ASH1L: variants seen among roughly 807,000 people sequenced by gnomAD.
ASH1L encodes ASH1 like histone lysine methyltransferase, also known as histone-lysine N-methyltransferase ASH1L.
In ASH1L, 23 loss-of-function variants were observed where a neutral mutation model predicts 269.0. The ratio of observed to expected loss-of-function variants is 0.09; its 90% CI spans 0.06 to 0.12. The LOEUF (loss-of-function observed/expected upper bound fraction) is 0.12. Ranked by LOEUF, ASH1L falls within the 10% of genes least tolerant of loss-of-function variation. The pLI, the probability that ASH1L is intolerant of heterozygous loss-of-function variation, is 1.00. For synonymous variants in ASH1L, 1,187 were observed against 1,253.5 expected, an observed-to-expected ratio of 0.95 and a Z score of 1.12; for missense variants, 2,912 against 3,567.8, an observed-to-expected ratio of 0.82 and a Z score of 4.68.
chr1:155,409,303 AC>A (rs1659570093), intron 6 of ASH1L, among the ~76,000 whole-genome samples: 1 of 152,186 alleles, frequency 6.6e-6, no homozygotes, highest in South Asian at 2.1e-4. Context: ...GGGATGAGCA[AC>A]CACACCCAGC....
intron 13 of ASH1L, 107 bp downstream of exon 13, chr1:155,360,194 A>C: frequency 2.6e-6 from 2 of 765,070 alleles, no homozygotes; most frequent in Non-Finnish European, 4.4e-6. Context: ...CCAGCCTCCC[A>C]CATACTTCTT....
chr1:155,422,950 TC>T (rs1160115588), intron 5 of ASH1L, among the ~76,000 whole-genome samples: 1 of 147,738 alleles, frequency 6.8e-6, no homozygotes, highest in African/African-American at 2.5e-5. Flanking sequence ...AGCTGGCCTT[TC>T]TTTTTTTTTT....
At position 155,421,140 on chromosome 1, in the gene ASH1L, A is replaced by G. The variant is rs142081147; in HGVS notation, c.5829-5217T>C. ...TGTAGTCCCAGCTACTGAAGAGGCTAAAGTGGGAAGACTGCTTAAACCTAG... is the reference window on the plus strand; with the variant it reads ...TGTAGTCCCAGCTACTGAAGAGGCTGAAGTGGGAAGACTGCTTAAACCTAG... On this transcript the variant is annotated intron_variant, in intron 5 of 27. Coordinates refer to ENST00000392403, the MANE Select transcript of ASH1L (RefSeq NM_018489.3). Among the ~76,000 whole-genome samples, 627 of 151,100 alleles carry G rather than the reference A, an allele frequency of 4.1e-3. 3 individuals are homozygous for G. The highest frequency in any genetic ancestry group is 0.012 in the Admixed American group (186 of 15,094).
At chr1:155,374,427 C>T (rs1656252447) in intron 10 of ASH1L, among the ~76,000 whole-genome samples, 1 of 151,974 alleles carries the variant, frequency 6.6e-6, no homozygotes, top group Non-Finnish European at 1.5e-5. Context: ...ACAAAAATAC[C>T]ACCACGATTC....
chr1:155,489,681 C>G (rs1408459102), intron 2 of ASH1L, among the ~76,000 whole-genome samples: 1 of 151,640 alleles, frequency 6.6e-6, no homozygotes, highest in Admixed American at 6.6e-5. Flanking sequence ...TGGTGTGAAC[C>G]TGGGAGGCGG....
chr1:155,417,002 G>A (rs947332972), intron 5 of ASH1L, among the ~76,000 whole-genome samples: 4 of 147,076 alleles, frequency 2.7e-5, no homozygotes, highest in African/African-American at 7.6e-5. Context: ...TGTGATCTCG[G>A]CTCACTGCAA....
At chr1:155,547,593 C>G (rs943830327) in intron 1 of ASH1L, among the ~76,000 whole-genome samples, 1 of 151,876 alleles carries the variant, frequency 6.6e-6, no homozygotes, top group Non-Finnish European at 1.5e-5. Flanking sequence ...TGTGGTAGCA[C>G]ATGACCGTAA....
At position 155,433,917 on chromosome 1, in the gene ASH1L, A is replaced by G. The variant is rs1661843582; in HGVS notation, c.5828+4410T>C. On this transcript the variant is annotated intron_variant, in intron 5 of 27. Coordinates refer to ENST00000392403, the MANE Select transcript of ASH1L (RefSeq NM_018489.3). ...GAGAACCGAGTGAGAGGCAACCTGG[A>G]GAATTTGTTCCTGCAGTGCCCGAAA... The G allele has an allele frequency of 1.9e-6, 3 of 1,592,234 alleles. No homozygotes were observed. In the East Asian group the frequency reaches 6.8e-5, roughly 36 times the overall value.
At chr1:155,558,774 C>T (rs1041319885) in intron 1 of ASH1L, among the ~76,000 whole-genome samples, 1 of 151,932 alleles carries the variant, frequency 6.6e-6, no homozygotes, top group African/African-American at 2.4e-5. Flanking sequence ...ACAAGTGATC[C>T]TCCTGGCTCA....
chr1:155,480,148 G>C lies in ASH1L; in HGVS notation c.2722C>G (p.Leu908Val). 1 of 1,614,156 alleles carries C rather than the reference G, an allele frequency of 6.2e-7. No homozygotes were observed. Among genetic ancestry groups the C allele is most frequent in the Non-Finnish European group, 8.5e-7 (1 of 1,180,012 alleles). ...RSPVKMKPPVLSVAPFVATES... is the reference protein window; with the variant it reads ...RSPVKMKPPVVSVAPFVATES... ...GTGGCAACAAATGGAGCCACTGACA[G>C]TACAGGTGGCTTCATCTTGACTGGT... is the stretch of plus-strand genomic sequence containing the variant. Residue 908 changes from leucine to valine, a missense_variant, in exon 3 of 28, where the codon CTG (leucine) becomes GTG (valine). Leu to Val is a conservative substitution (Grantham distance 32). This residue lies in a region of ASH1L where 715 missense variants were observed against 721.0 expected (regional missense o/e 0.99). Coordinates refer to ENST00000392403, the MANE Select transcript of ASH1L (RefSeq NM_018489.3).
At chr1:155,403,481 C>T (rs1008215990) in intron 6 of ASH1L, among the ~76,000 whole-genome samples, 2 of 152,178 alleles carry the variant, frequency 1.3e-5, no homozygotes, top group African/African-American at 4.8e-5. Context: ...TTAAGTTTCT[C>T]TAATTCTCTA....
At chr1:155,554,475 T>C (rs1671445185) in intron 1 of ASH1L, among the ~76,000 whole-genome samples, 1 of 152,142 alleles carries the variant, frequency 6.6e-6, no homozygotes, top group South Asian at 2.1e-4. Context: ...TTTCTCCATG[T>C]TGGTCAGGCT....
At chr1:155,560,653 T>C (rs1429017156) in intron 1 of ASH1L, among the ~76,000 whole-genome samples, 1 of 152,172 alleles carries the variant, frequency 6.6e-6, no homozygotes, top group African/African-American at 2.4e-5. Context: ...GGACCATTTA[T>C]TGAACAGGCA....
intron 5 of ASH1L, among the ~76,000 whole-genome samples, chr1:155,436,583 G>A (rs1558103241): frequency 1.5e-5 from 2 of 132,842 alleles, no homozygotes; most frequent in Admixed American, 8.9e-5. Context: ...CACAACCTCC[G>A]CCTCCTGGGT....
intron 5 of ASH1L, chr1:155,433,594 C>T: frequency 1.9e-6 from 3 of 1,610,572 alleles, no homozygotes; most frequent in Non-Finnish European, 2.5e-6. Flanking sequence ...AGTCCCAGAA[C>T]ATCAAAGCTC....
intron 1 of ASH1L, among the ~76,000 whole-genome samples, chr1:155,560,789 C>T (rs115462726): frequency 0.01 from 1,546 of 152,348 alleles, 28 homozygotes; most frequent in African/African-American, 0.035. Context: ...CTCCCTCACA[C>T]ATACAACCTC....
chr1:155,525,316 T>C (rs370581011), intron 1 of ASH1L, among the ~76,000 whole-genome samples: 7 of 152,062 alleles, frequency 4.6e-5, no homozygotes, highest in African/African-American at 1.7e-4. Flanking sequence ...TTCTCCATGA[T>C]GGGCTCACAA....
intron 12 of ASH1L, among the ~76,000 whole-genome samples, chr1:155,361,067 C>A (rs1302966794): frequency 6.6e-6 from 1 of 151,810 alleles, no homozygotes; most frequent in African/African-American, 2.4e-5. Flanking sequence ...AGGGCAAAAC[C>A]GTCTCTACTA....
Position 155,551,606 on chromosome 1 carries a change from G to A in ASH1L, c.-100+10547C>T, listed in dbSNP as rs1332211049. 2.1e-5 allele frequency among the ~76,000 whole-genome samples: 3 copies of A among 142,718 alleles called. No individual in the cohort carries two copies. In the East Asian group the frequency reaches 6.2e-4, roughly 29 times the overall value. 93.6% of individuals were successfully genotyped at this position (142,718 alleles called of 152,430 possible). ...ACCCGGGAGGCGGAGCTTGCAGTGAGCCGAGATCCCGCCACTGCACTCCAG... is the reference window on the plus strand; with the variant it reads ...ACCCGGGAGGCGGAGCTTGCAGTGAACCGAGATCCCGCCACTGCACTCCAG... On this transcript the variant is annotated intron_variant, in intron 1 of 27. Coordinates refer to ENST00000392403, the MANE Select transcript of ASH1L (RefSeq NM_018489.3).
Sources: gnomAD v4.1 joint callset for allele counts (sites outside exome capture counted in the v4.1 genomes callset) on GRCh38, gnomAD v4.1.1 for gene constraint, gnomAD v4.1.1 regional missense constraint, MANE v1.5 for transcripts, NCBI Gene and HGNC (gene_info 2026-07-23, HGNC 2026-07-21) for gene names.